Variants in TACC2 observed in about 807,000 individuals in gnomAD.
TACC2 encodes transforming acidic coiled-coil-containing protein 2.
TACC2 carries 137 observed loss-of-function variants against 227.3 expected under a neutral mutation model. That is an observed-to-expected ratio of 0.60 (90% CI 0.52 to 0.69). The LOEUF (loss-of-function observed/expected upper bound fraction) is 0.69, where lower values mean the gene tolerates loss of function less well. Among genes scored for constraint, TACC2 ranks in the 30% least tolerant of loss-of-function variants. The pLI, the probability that TACC2 is intolerant of heterozygous loss-of-function variation, is 0.00. For synonymous variants in TACC2, 1,523 were observed against 1,487.5 expected (o/e 1.02, Z -0.55); for missense variants, 3,470 against 3,694.4 (o/e 0.94, Z 1.57).
chr10:122,229,497 C>T lies in TACC2; in HGVS notation c.8037+11C>T. 1.9e-6 allele frequency: 3 copies of T among 1,613,748 alleles called. No individual in the cohort carries two copies. The highest frequency in any genetic ancestry group is 2.5e-6 in the Non-Finnish European group (3 of 1,179,968). ...GCTCAGAAACTCCAGGTTTGTAGCCCACGTGTGACCTTTTGGGAGTTTGTC... is the reference window on the plus strand; with the variant it reads ...GCTCAGAAACTCCAGGTTTGTAGCCTACGTGTGACCTTTTGGGAGTTTGTC... On this transcript the variant is annotated intron_variant, in intron 15 of 22. Coordinates refer to ENST00000369005, the MANE Select transcript of TACC2 (RefSeq NM_206862.4).
At chr10:122,046,521 AAG>A (rs1465502604) in intron 2 of TACC2, among the ~76,000 whole-genome samples, 3 of 152,010 alleles carry the variant, frequency 2.0e-5, no homozygotes, top group African/African-American at 7.2e-5. Flanking sequence ...GAAAAAAAGA[AAG>A]AGAAGTGGAG....
At chr10:122,148,533 C>T (rs2091674353) in intron 7 of TACC2, among the ~76,000 whole-genome samples, 1 of 152,246 alleles carries the variant, frequency 6.6e-6, no homozygotes, top group African/African-American at 2.4e-5. Context: ...CAGGCAGCTG[C>T]AGTGCCCGCC....
intron 1 of TACC2, among the ~76,000 whole-genome samples, chr10:122,008,411 C>A (rs1391403976): frequency 1.3e-5 from 2 of 151,670 alleles, no homozygotes; most frequent in African/African-American, 4.8e-5. Flanking sequence ...CAGGCATGTG[C>A]CACCAGGCCT....
rs1227489270 is a variant in TACC2 at position 122,083,297 on chromosome 10, T to C, written c.797T>C (p.Leu266Ser). Residue 266 changes from leucine (L) to serine (S), a missense_variant, in exon 4 of 23, where the codon TTG becomes TCG. By Grantham distance (145) the Leu-to-Ser change is moderately radical. This residue lies in a region of TACC2 where 405 missense variants were observed against 389.6 expected (regional missense o/e 1.04). Coordinates refer to ENST00000369005, the MANE Select transcript of TACC2 (RefSeq NM_206862.4). ...AQQGTESSAV[L>S]EKSPLKPMAP... ...CAGGGCACAGAAAGCTCAGCGGTCTTGGAGAAGTCCCCCCTAAAACCCATG... is the reference window on the plus strand; with the variant it reads ...CAGGGCACAGAAAGCTCAGCGGTCTCGGAGAAGTCCCCCCTAAAACCCATG... 6.2e-7 allele frequency: 1 copy of C among 1,613,920 alleles called. No individual in the cohort carries two copies. Among genetic ancestry groups the C allele is most frequent in the African/African-American group, 1.3e-5 (1 of 75,024 alleles).
rs2095288037 is a variant in TACC2, at chr10:122,211,321, T to C, written c.6896T>C (p.Leu2299Pro). The C allele has an allele frequency of 3.1e-6, 5 of 1,613,962 alleles. No homozygotes were observed. The highest frequency in any genetic ancestry group is 4.2e-6 in the Non-Finnish European group (5 of 1,179,992). The part of the protein sequence containing the change: ...IGKKPVAKMP[L>P]RRPKMKKTPE... Reference sequence around the variant, plus strand: ...AAAAAGCCAGTTGCCAAAATGCCCCTGAGGAGGCCAAAGATGAAAAAGACA... The same window carrying C: ...AAAAAGCCAGTTGCCAAAATGCCCCCGAGGAGGCCAAAGATGAAAAAGACA... The change falls in exon 9 of 23, where the codon CTG becomes CCG. Residue 2299 changes from leucine (L) to proline (P), a missense_variant. Leu to Pro is a moderately conservative substitution (Grantham distance 98). Coordinates refer to ENST00000369005, the MANE Select transcript of TACC2 (RefSeq NM_206862.4).
chr10:122,208,018 T>C (rs2095180708), intron 8 of TACC2, among the ~76,000 whole-genome samples: 1 of 152,094 alleles, frequency 6.6e-6, no homozygotes, highest in Admixed American at 6.6e-5. Context: ...AGGTCACGGC[T>C]GGTGGGAGGA....
intron 17 of TACC2, among the ~76,000 whole-genome samples, chr10:122,237,742 A>C (rs528284185): frequency 2.0e-5 from 3 of 152,364 alleles, no homozygotes; most frequent in African/African-American, 7.2e-5. Context: ...AACAAAAAGC[A>C]TGCCCCTTTC....
At chr10:122,193,525 C>T (rs927753105) in intron 7 of TACC2, among the ~76,000 whole-genome samples, 3 of 152,146 alleles carry the variant, frequency 2.0e-5, no homozygotes, top group Admixed American at 6.6e-5. Context: ...TCGGTGACAC[C>T]GGTGCAGCTT....
In TACC2 at chr10:122,064,486, G is replaced by C. The variant is rs79719001; in HGVS notation, c.146+13936G>C. Among the ~76,000 whole-genome samples, 4 of 152,110 alleles carry C rather than the reference G, an allele frequency of 2.6e-5. No individual in the cohort carries two copies. The East Asian group carries it at 7.7e-4, about 29-fold the overall frequency. ...TTTTAAGTGAAATGATGTATAATGA[G>C]ACCAGTCTTTTTGTCATCATTTTAC... On this transcript the variant is annotated intron_variant, in intron 3 of 22. Transcript: ENST00000369005.
Position 122,083,803 on chromosome 10 carries a change from GA to G in TACC2, c.1305del (p.Glu436AsnfsTer66). On this transcript the variant is annotated frameshift_variant, in exon 4 of 23. Transcript: ENST00000369005. LOFTEE classifies it high-confidence loss of function. ...FPAAQIPIAV[E>X]EPGSSSRESV... ...AGCTGCTCAGATTCCTATTGCTGTA[GA>G]AGAACCTGGATCATCATCCAGGGAA... is the stretch of plus-strand genomic sequence containing the variant. 6.2e-7 allele frequency: 1 copy of G among 1,614,172 alleles called. No individual in the cohort carries two copies. The highest frequency in any genetic ancestry group is 2.2e-5 in the East Asian group (1 of 44,880).
chr10:122,022,967 A>G (rs1334828141), intron 2 of TACC2: 1 of 152,222 alleles, frequency 6.6e-6, no homozygotes, highest in African/African-American at 2.4e-5. Flanking sequence ...TGGATTAATG[A>G]CATTGAGTTC....
chr10:122,042,832 A>G (rs1356675436), intron 2 of TACC2, among the ~76,000 whole-genome samples: 2 of 152,218 alleles, frequency 1.3e-5, no homozygotes, highest in African/African-American at 4.8e-5. Context: ...TTCTTAAACC[A>G]TGCTGCTGTA....
intron 2 of TACC2, among the ~76,000 whole-genome samples, chr10:122,027,812 C>T (rs536357009): frequency 1.9e-4 from 29 of 151,024 alleles, no homozygotes; most frequent in African/African-American, 6.8e-4. Flanking sequence ...GGAGTGATCT[C>T]GGCTCACTGC....
At position 122,210,049 on chromosome 10, in the gene TACC2, T is replaced by G; in HGVS notation, c.5972-348T>G. On this transcript the variant is annotated intron_variant, in intron 8 of 22. Coordinates refer to ENST00000369005, the MANE Select transcript of TACC2 (RefSeq NM_206862.4). The surrounding 1 kb of genome is among the most constrained non-coding windows in gnomAD (Gnocchi z 4.6). ...ATGTGACTTCCAGGAAGGGAAAGGT[T>G]TTGTCTATTTCTGTTCCTTGTTGAA... 1 of 257,544 alleles carries G rather than the reference T, an allele frequency of 3.9e-6. No individual in the cohort carries two copies. 16.0% of individuals were successfully genotyped at this position (257,544 alleles called of 1,614,324 possible).
chr10:122,199,252 C>T (rs2094694359), intron 8 of TACC2, among the ~76,000 whole-genome samples: 1 of 152,262 alleles, frequency 6.6e-6, no homozygotes, highest in Non-Finnish European at 1.5e-5. Context: ...GCCACCAGAT[C>T]CAAGCACCAG....
chr10:122,102,839 G>T (rs368675258), intron 5 of TACC2, among the ~76,000 whole-genome samples: 1 of 152,214 alleles, frequency 6.6e-6, no homozygotes, highest in African/African-American at 2.4e-5. Flanking sequence ...GCTGAGAGCC[G>T]TGTGCAGAGC....
At chr10:122,008,777 T>C (rs1164275815) in intron 1 of TACC2, among the ~76,000 whole-genome samples, 1 of 152,134 alleles carries the variant, frequency 6.6e-6, no homozygotes, top group Non-Finnish European at 1.5e-5. Flanking sequence ...TTTGCCATGT[T>C]GGCCAGGCTG....
chr10:122,164,024 C>G, intron 7 of TACC2: 1 of 1,561,240 alleles, frequency 6.4e-7, no homozygotes, highest in Admixed American at 1.9e-5. Flanking sequence ...CCCCGAGTCT[C>G]CCGGGGAGGA....
At chr10:122,106,423 G>A (rs1053467172) in intron 5 of TACC2, among the ~76,000 whole-genome samples, 4 of 152,200 alleles carry the variant, frequency 2.6e-5, no homozygotes, top group Admixed American at 6.5e-5. Flanking sequence ...GGTTATTTCT[G>A]TGTCAGGCAA....
Sources: allele counts gnomAD v4.1 joint callset (sites outside exome capture counted in the v4.1 genomes callset), GRCh38; gene constraint gnomAD v4.1.1; regional missense constraint gnomAD v4.1.1; non-coding constraint Gnocchi (gnomAD v3.1); transcripts MANE v1.5; gene names NCBI Gene and HGNC (gene_info 2026-07-23, HGNC 2026-07-21).